Variants in ASXL2 observed in about 807,000 individuals in gnomAD.
ASXL2 encodes ASXL transcriptional regulator 2.
In ASXL2, 23 loss-of-function variants were observed where a neutral mutation model predicts 122.0. That is an observed-to-expected ratio of 0.19 (90% CI 0.14 to 0.27). ASXL2 has a LOEUF of 0.27. Among genes scored for constraint, ASXL2 ranks in the 10% least tolerant of loss-of-function variants. The pLI is 1.00. For synonymous variants in ASXL2, 650 were observed against 637.0 expected (o/e 1.02, Z -0.31); for missense variants, 1,518 against 1,713.8 (o/e 0.89, Z 2.02).
rs2089177866 is a variant in ASXL2 at position 25,812,123 on chromosome 2, G to A, written c.144-5786C>T. Among the ~76,000 whole-genome samples, 5 of 151,478 alleles carry A rather than the reference G, an allele frequency of 3.3e-5. No individual in the cohort carries two copies. The South Asian group carries it at 1.0e-3, about 32-fold the overall frequency. ...TGGATGAACTGTACATGGGACCCTAGGTACTATTTTTGCAATTTCCTGTGA... is the reference window on the plus strand; with the variant it reads ...TGGATGAACTGTACATGGGACCCTAAGTACTATTTTTGCAATTTCCTGTGA... On this transcript the variant is annotated intron_variant, in intron 3 of 12. Transcript: ENST00000435504.
chr2:25,846,388 G>T (rs1373727230), intron 1 of ASXL2, among the ~76,000 whole-genome samples: 1 of 152,200 alleles, frequency 6.6e-6, no homozygotes, highest in African/African-American at 2.4e-5. Flanking sequence ...GTTCATGCCT[G>T]TAATCTCGGC....
intron 7 of ASXL2, 110 bp downstream of exon 7, chr2:25,768,632 G>T: frequency 8.3e-7 from 1 of 1,209,752 alleles, no homozygotes; most frequent in Non-Finnish European, 1.1e-6. Context: ...CAAGGATTGT[G>T]TAAGTAAATA....
At chr2:25,848,482 G>A (rs2089676124) in intron 1 of ASXL2, among the ~76,000 whole-genome samples, 2 of 152,056 alleles carry the variant, frequency 1.3e-5, no homozygotes, top group Non-Finnish European at 2.9e-5. Context: ...AAGTAGCTGG[G>A]CGTGGTGGCG....
At position 25,744,145 on chromosome 2, in the gene ASXL2, A is replaced by G. The variant is rs13385963; in HGVS notation, c.2192T>C (p.Leu731Pro). The G allele has an allele frequency of 6.2e-7, 1 of 1,614,002 alleles. No individual in the cohort carries two copies. Among genetic ancestry groups the G allele is most frequent in the Non-Finnish European group, 8.5e-7 (1 of 1,179,878 alleles). ...ACCTCCCCTGCTTCCAGTTCCTGCC[A>G]GTTCCAGTGTGGGGCCCTTTCCAGT... is the stretch of plus-strand genomic sequence containing the variant. ...SETGKGPTLE[L>P]AGTGSRGGTR... Residue 731 changes from leucine (L) to proline (P), a missense_variant, in exon 13 of 13, where the codon CTG becomes CCG. This residue lies in a region of ASXL2 where 831 missense variants were observed against 833.1 expected (regional missense o/e 1.00). Coordinates refer to ENST00000435504, the MANE Select transcript of ASXL2 (RefSeq NM_018263.6). The surrounding 1 kb of genome is among the most constrained non-coding windows in gnomAD (Gnocchi z 4.7).
At chr2:25,750,452 A>T in intron 11 of ASXL2, 39 bp from the exon 12 acceptor site, 1 of 1,521,016 alleles carries the variant, frequency 6.6e-7, no homozygotes, top group South Asian at 1.3e-5. Context: ...GTTGAAAAAT[A>T]GCCCATGTTG....
chr2:25,825,757 A>C (rs2089367802), intron 3 of ASXL2, among the ~76,000 whole-genome samples: 2 of 152,240 alleles, frequency 1.3e-5, no homozygotes, highest in Admixed American at 6.5e-5. Context: ...CACTAGTGTT[A>C]AAACTATCTG....
intron 1 of ASXL2, among the ~76,000 whole-genome samples, chr2:25,874,874 G>A (rs929524363): frequency 1.1e-4 from 17 of 151,838 alleles, no homozygotes; most frequent in African/African-American, 4.1e-4. Context: ...GAGCCCAGGA[G>A]TTTGAGACCA....
intron 4 of ASXL2, among the ~76,000 whole-genome samples, chr2:25,803,194 C>T (rs1164496618): frequency 6.6e-6 from 1 of 152,100 alleles, no homozygotes; most frequent in African/African-American, 2.4e-5. Context: ...ATGGAGGTTC[C>T]TGGAGGGTGG....
chr2:25,768,738 C>T lies in ASXL2; in HGVS notation c.631+4G>A. ...TCCATTGAAAAACTGCCCAAACTGC[C>T]TACCAGGTTTGGCAGGTACAGAGTC... On this transcript the variant is annotated splice_donor_region_variant and intron_variant, in intron 7 of 12. Transcript: ENST00000435504. 6.2e-7 allele frequency: 1 copy of T among 1,610,598 alleles called. No homozygotes were observed. Among genetic ancestry groups the T allele is most frequent in the Non-Finnish European group, 8.5e-7 (1 of 1,178,642 alleles).
intron 3 of ASXL2, among the ~76,000 whole-genome samples, chr2:25,819,309 T>G (rs1379548101): frequency 6.6e-6 from 1 of 152,168 alleles, no homozygotes; most frequent in East Asian, 1.9e-4. Flanking sequence ...CAGCAATAGA[T>G]TAATAACATG....
rs765618361 is a variant in ASXL2 at position 25,749,734 on chromosome 2, C to T, written c.1822G>A (p.Gly608Arg). The part of the protein sequence containing the change: ...QVSPQPFLNR[G>R]DRIQVRKVPP... ...ACTTTTCGCACCTGGATTCTGTCCC[C>T]TCTATTGAGAAAGGGCTGTGGTGAG... The change falls in exon 12 of 13, where the codon GGG becomes AGG. Residue 608 changes from glycine to arginine, a missense_variant. Physicochemically the swap from Gly to Arg is moderately radical, Grantham distance 125. This residue lies in a region of ASXL2 where 292 missense variants were observed against 293.5 expected (regional missense o/e 1.00). Transcript: ENST00000435504. 2.3e-5 allele frequency: 35 copies of T among 1,550,550 alleles called. No individual in the cohort carries two copies. The highest frequency in any genetic ancestry group is 2.9e-5 in the Non-Finnish European group (33 of 1,154,902).
At chr2:25,865,894 A>G (rs1308164311) in intron 1 of ASXL2, among the ~76,000 whole-genome samples, 3 of 151,818 alleles carry the variant, frequency 2.0e-5, no homozygotes, top group African/African-American at 4.8e-5. Context: ...CTCCAACTGC[A>G]TGAGACCTGA....
chr2:25,765,828 A>C (rs1265390939), intron 8 of ASXL2, among the ~76,000 whole-genome samples: 3 of 152,180 alleles, frequency 2.0e-5, no homozygotes, highest in African/African-American at 7.2e-5. Context: ...TAGGACTCTA[A>C]ATCTGTGTTT....
chr2:25,818,181 T>C (rs1003282106), intron 3 of ASXL2, among the ~76,000 whole-genome samples: 4 of 152,220 alleles, frequency 2.6e-5, no homozygotes, highest in African/African-American at 7.2e-5. Flanking sequence ...AGAGTATATT[T>C]GACCAATGAC....
chr2:25,807,092 A>C (rs2089093867), intron 3 of ASXL2, among the ~76,000 whole-genome samples: 1 of 152,228 alleles, frequency 6.6e-6, no homozygotes, highest in African/African-American at 2.4e-5. Flanking sequence ...GGTAGCAAGC[A>C]AACACATAGT....
chr2:25,755,934 CA>C, intron 10 of ASXL2, 83 bp downstream of exon 10: 3 of 1,172,590 alleles, frequency 2.6e-6, no homozygotes, highest in Non-Finnish European at 3.8e-6. Flanking sequence ...CTTTACCTTC[CA>C]AAACTGCGTA....
At chr2:25,756,241 A>C in intron 9 of ASXL2, 127 bp from the exon 10 acceptor site, 3 of 431,530 alleles carry the variant, frequency 7.0e-6, no homozygotes, top group East Asian at 3.9e-5. Context: ...TAACTATCTC[A>C]TACTATGTGC....
chr2:25,857,673 CCTGA>C (rs936161588), intron 1 of ASXL2, among the ~76,000 whole-genome samples: 10 of 152,220 alleles, frequency 6.6e-5, no homozygotes, highest in African/African-American at 2.4e-4. Context: ...TGAAGCATTC[CCTGA>C]CTATCCTATT....
intron 2 of ASXL2, among the ~76,000 whole-genome samples, chr2:25,837,854 T>A (rs1202270002): frequency 6.7e-6 from 1 of 149,118 alleles, no homozygotes; most frequent in African/African-American, 2.5e-5. Context: ...CAGTGGCTCA[T>A]GCCTGTAAAC....
Sources: gnomAD v4.1 joint callset for allele counts (sites outside exome capture counted in the v4.1 genomes callset) on GRCh38, gnomAD v4.1.1 for gene constraint, gnomAD v4.1.1 regional missense constraint, Gnocchi (gnomAD v3.1) non-coding constraint, MANE v1.5 for transcripts, NCBI Gene and HGNC (gene_info 2026-07-23, HGNC 2026-07-21) for gene names.